GOT1: variants seen among roughly 807,000 people sequenced by gnomAD.
GOT1 encodes the protein glutamic-oxaloacetic transaminase 1.
GOT1 carries 25 observed loss-of-function variants against 48.2 expected under a neutral mutation model. The observed-to-expected ratio is 0.52, with a 90% CI of 0.38 to 0.72. The LOEUF is 0.72. GOT1 is among the 30% of genes least tolerant of loss of function. The pLI is 0.00. For missense variants in GOT1, 380 were observed against 520.1 expected (o/e 0.73, Z 2.62); for synonymous variants, 188 against 193.8 (o/e 0.97, Z 0.25).
intron 2 of GOT1, 189 bp downstream of exon 2, chr10:99,420,435 A>G: frequency 3.7e-6 from 2 of 547,660 alleles, no homozygotes; most frequent in Non-Finnish European, 6.4e-6. Context: ...AAACTGAACA[A>G]GTGAAAAAGC....
At position 99,396,892 on chromosome 10, in the gene GOT1, A is replaced by T. The variant is rs1126927; in HGVS notation, c.*655T>A. The T allele has an allele frequency of 2.0e-5, 3 of 152,168 alleles. No homozygotes were observed. Among genetic ancestry groups the T allele is most frequent in the Non-Finnish European group, 2.9e-5 (2 of 68,026 alleles). The allele number at this position is 152,168 out of a possible 1,614,324, so 9.4% of individuals were successfully genotyped here. A position where few individuals can be genotyped will look rare whatever the true frequency, so the allele number is the denominator to read the frequency against. ...ATGTCTTGATCAACATTTTTATTTT[A>T]TTTTTTTAGGTGAAGTAGAACACAA... On this transcript the variant is annotated 3_prime_UTR_variant, in exon 9 of 9. Transcript: ENST00000370508.
rs552098213 is a variant in GOT1 at position 99,420,799 on chromosome 10, C to T, written c.125G>A (p.Arg42His). 5 of 1,612,218 alleles carry T rather than the reference C, an allele frequency of 3.1e-6. No individual in the cohort carries two copies. Among genetic ancestry groups the T allele is most frequent in the Non-Finnish European group, 2.5e-6 (3 of 1,178,802 alleles). ...RKVNLGVGAY[R>H]TDDCHPWVLP... Reference sequence around the variant, plus strand: ...AACCCAGGGATGGCAGTCATCCGTGCGATATGCTGGAGAATGGAAAAGAGT... The same window carrying T: ...AACCCAGGGATGGCAGTCATCCGTGTGATATGCTGGAGAATGGAAAAGAGT... The change falls in exon 2 of 9, where the codon CGC becomes CAC. Residue 42 changes from arginine to histidine, a missense_variant. Physicochemically the swap from Arg to His is conservative, Grantham distance 29. Transcript: ENST00000370508.
chr10:99,413,999 A>C (rs2032861098), intron 2 of GOT1, among the ~76,000 whole-genome samples: 1 of 152,246 alleles, frequency 6.6e-6, no homozygotes, highest in East Asian at 1.9e-4. Context: ...CCAAATTGTA[A>C]AGACCATCGA....
chr10:99,404,954 C>A (rs1380128986), intron 5 of GOT1, among the ~76,000 whole-genome samples: 1 of 152,134 alleles, frequency 6.6e-6, no homozygotes, highest in Non-Finnish European at 1.5e-5. Context: ...GAAACCACTG[C>A]TTCCAGGAAG....
intron 2 of GOT1, among the ~76,000 whole-genome samples, chr10:99,416,757 C>A (rs1375014130): frequency 6.6e-6 from 1 of 152,086 alleles, no homozygotes; most frequent in Non-Finnish European, 1.5e-5. Flanking sequence ...CAGAACAGAG[C>A]CCTCAGAAAT....
intron 2 of GOT1, among the ~76,000 whole-genome samples, chr10:99,407,363 C>T (rs2032773815): frequency 6.6e-6 from 1 of 152,174 alleles, no homozygotes; most frequent in African/African-American, 2.4e-5. Context: ...CTTATTAATC[C>T]TTAGAAGTAT....
chr10:99,414,192 A>T (rs1589939760), intron 2 of GOT1, among the ~76,000 whole-genome samples: 1 of 152,230 alleles, frequency 6.6e-6, no homozygotes, highest in Non-Finnish European at 1.5e-5. Context: ...TATTCAGGAA[A>T]CCCATCTCAC....
At chr10:99,424,955 A>G (rs2033020043) in intron 1 of GOT1, among the ~76,000 whole-genome samples, 1 of 152,164 alleles carries the variant, frequency 6.6e-6, no homozygotes, top group Non-Finnish European at 1.5e-5. Flanking sequence ...TGGACCCTTG[A>G]GTTTCTCATT....
intron 2 of GOT1, among the ~76,000 whole-genome samples, chr10:99,419,346 A>T (rs1206099334): frequency 6.6e-6 from 1 of 152,136 alleles, no homozygotes; most frequent in Non-Finnish European, 1.5e-5. Context: ...ATCTTCTTCA[A>T]ACAACACTTT....
In GOT1 at chr10:99,402,653, T is replaced by A. The variant is rs1259011442; in HGVS notation, c.1029A>T (p.Glu343Asp). 1.2e-6 allele frequency: 2 copies of A among 1,613,838 alleles called. No individual in the cohort carries two copies. The highest frequency in any genetic ancestry group is 3.3e-5 in the Admixed American group (2 of 60,032). Reference protein sequence around the residue: ...TMRSELRARLEALKTPGTWNH... With the variant: ...TMRSELRARLDALKTPGTWNH... ...TCCAGGTCCCAGGGGTTTTGAGGGC[T>A]TCTAGTCGTGCCCTGAGTTCAGATC... Residue 343 changes from glutamate to aspartate, a missense_variant, in exon 8 of 9, where the codon GAA (glutamate) becomes GAT (aspartate). Coordinates refer to ENST00000370508, the MANE Select transcript of GOT1 (RefSeq NM_002079.3).
chr10:99,418,484 T>C (rs2032926084), intron 2 of GOT1, among the ~76,000 whole-genome samples: 1 of 137,638 alleles, frequency 7.3e-6, no homozygotes, highest in African/African-American at 2.7e-5. Context: ...TGGCCTATGT[T>C]CCCCACTTTC....
intron 8 of GOT1, among the ~76,000 whole-genome samples, chr10:99,402,326 G>A (rs2032691150): frequency 6.6e-6 from 1 of 152,184 alleles, no homozygotes; most frequent in Admixed American, 6.5e-5. Flanking sequence ...CTGGCTCTGA[G>A]CCACTTCCCA....
At chr10:99,422,694 C>T (rs2032986483) in intron 1 of GOT1, among the ~76,000 whole-genome samples, 1 of 152,174 alleles carries the variant, frequency 6.6e-6, no homozygotes, top group African/African-American at 2.4e-5. Context: ...CTGCATTTCC[C>T]TATGCCTACA....
chr10:99,405,262 A>G lies in GOT1; in HGVS notation c.642+494T>C, dbSNP rs191535845. On this transcript the variant is annotated intron_variant, in intron 5 of 8. Coordinates refer to ENST00000370508, the MANE Select transcript of GOT1 (RefSeq NM_002079.3). ...TCCCACCTAGAAAGTTACGCCAAAGAAATAATAAAAGGAAATTTTGTTACA... is the reference window on the plus strand; with the variant it reads ...TCCCACCTAGAAAGTTACGCCAAAGGAATAATAAAAGGAAATTTTGTTACA... Among the ~76,000 whole-genome samples the G allele has an allele frequency of 5.3e-5, 8 of 152,264 alleles. No homozygotes were observed. In the East Asian group the frequency reaches 1.5e-3, roughly 29 times the overall value.
chr10:99,404,442 G>C (rs544006685), intron 5 of GOT1, among the ~76,000 whole-genome samples: 123 of 152,206 alleles, frequency 8.1e-4, no homozygotes, highest in African/African-American at 2.8e-3. Context: ...AGGTGGGACT[G>C]GGGGGAATCT....
intron 1 of GOT1, among the ~76,000 whole-genome samples, chr10:99,425,162 G>A (rs1463911031): frequency 6.6e-6 from 1 of 152,234 alleles, no homozygotes; most frequent in Non-Finnish European, 1.5e-5. Context: ...AATGAAAGAT[G>A]AATAAGAGTT....
rs192410789 is a variant in GOT1 at position 99,419,837 on chromosome 10, C to T, written c.300+787G>A. Among the ~76,000 whole-genome samples the T allele has an allele frequency of 2.5e-4, 38 of 152,300 alleles. No homozygotes were observed. In the East Asian group the frequency reaches 7.0e-3, roughly 28 times the overall value. On this transcript the variant is annotated intron_variant, in intron 2 of 8. Coordinates refer to ENST00000370508, the MANE Select transcript of GOT1 (RefSeq NM_002079.3). ...CAGCTCAAGTGCCATCTCCAGCACT[C>T]ATAGGTCTCCCTCCCCTCTGAATTC...
rs771467913 is a variant in GOT1 at position 99,402,598 on chromosome 10, T to C, written c.1084A>G (p.Ser362Gly). Reference protein sequence around the residue: ...NHITDQIGMFSFTGLNPKQVE... With the variant: ...NHITDQIGMFGFTGLNPKQVE... ...CACTTACGGTTCAACCCAGTGAAGC[T>C]GAACATGCCAATTTGATCAGTGATG... is the stretch of plus-strand genomic sequence containing the variant. The change falls in exon 8 of 9, where the codon AGC (serine) becomes GGC (glycine). Residue 362 changes from serine to glycine, a missense_variant. Transcript: ENST00000370508. 20 of 1,614,246 alleles carry C rather than the reference T, an allele frequency of 1.2e-5. No individual in the cohort carries two copies. The highest frequency in any genetic ancestry group is 1.7e-5 in the Non-Finnish European group (20 of 1,180,044).
At chr10:99,419,737 C>G (rs982890314) in intron 2 of GOT1, among the ~76,000 whole-genome samples, 1 of 152,174 alleles carries the variant, frequency 6.6e-6, no homozygotes, top group Admixed American at 6.5e-5. Context: ...TTTTTAAAAA[C>G]TCCCCAGGTA....
Sources: gnomAD v4.1 joint callset for allele counts (sites outside exome capture counted in the v4.1 genomes callset) on GRCh38, gnomAD v4.1.1 for gene constraint, MANE v1.5 for transcripts, NCBI Gene and HGNC (gene_info 2026-07-23, HGNC 2026-07-21) for gene names.